SEMA5A: variants seen among roughly 807,000 people sequenced by gnomAD.
The protein encoded by SEMA5A is semaphorin-5A.
SEMA5A carries 55 observed loss-of-function variants against 135.5 expected under a neutral mutation model. That is an observed-to-expected ratio of 0.41 (90% CI 0.33 to 0.51). The LOEUF is 0.51. SEMA5A is among the 20% of genes least tolerant of loss of function. The pLI is 0.37. For missense variants in SEMA5A, 1,290 were observed against 1,419.9 expected (o/e 0.91, Z 1.47); for synonymous variants, 580 against 546.5 (o/e 1.06, Z -0.85).
At chr5:9,411,186 T>C (rs1757094760) in intron 2 of SEMA5A, among the ~76,000 whole-genome samples, 1 of 152,216 alleles carries the variant, frequency 6.6e-6, no homozygotes, top group Admixed American at 6.5e-5. Context: ...GTGACACGTC[T>C]TTAGCATGTT....
At position 9,473,067 on chromosome 5, in the gene SEMA5A, TTTTG is replaced by T. The variant is rs146553838; in HGVS notation, c.-174-35219_-174-35216del. Among the ~76,000 whole-genome samples the T allele has an allele frequency of 8.0e-3, 1,199 of 149,128 alleles. 25 individuals carry two copies. The highest frequency in any genetic ancestry group is 0.028 in the African/African-American group (1,131 of 41,072). ...TAAGTTGTTCATTCTTTTTTCTGTA[TTTTG>T]TTTATTTACATATGTACCCTAAAAC... On this transcript the variant is annotated intron_variant, in intron 1 of 22. Coordinates refer to ENST00000382496, the MANE Select transcript of SEMA5A (RefSeq NM_003966.3).
At chr5:9,259,021 C>T (rs1489413989) in intron 5 of SEMA5A, among the ~76,000 whole-genome samples, 1 of 152,022 alleles carries the variant, frequency 6.6e-6, no homozygotes, top group Non-Finnish European at 1.5e-5. Context: ...GGGGTTTCAC[C>T]ATGTTGGCGA....
At chr5:9,046,778 C>A (rs757222506) in intron 21 of SEMA5A, among the ~76,000 whole-genome samples, 1 of 152,202 alleles carries the variant, frequency 6.6e-6, no homozygotes, top group African/African-American at 2.4e-5. Flanking sequence ...TGGATCTGCC[C>A]CTTCGGGTGC....
At chr5:9,363,244 C>T (rs972173929) in intron 3 of SEMA5A, 8 of 152,306 alleles carry the variant, frequency 5.3e-5, no homozygotes, top group South Asian at 2.1e-4. Flanking sequence ...CACTGCAAAG[C>T]GCTGATATAA....
rs1426307043 is a variant in SEMA5A at position 9,041,210 on chromosome 5, T to G, written c.*1687A>C. 6 of 151,232 alleles carry G rather than the reference T, an allele frequency of 4.0e-5. No homozygotes were observed. The highest frequency in any genetic ancestry group is 6.6e-5 in the Admixed American group (1 of 15,264). 9.4% of individuals were successfully genotyped at this position (151,232 alleles called of 1,614,324 possible). ...ATATTCATTATTAAACATAGAATTC[T>G]TCTAACACTTTCTGAAATTGTTTCT... is the stretch of plus-strand genomic sequence containing the variant. On this transcript the variant is annotated 3_prime_UTR_variant, in exon 23 of 23. Transcript: ENST00000382496.
Position 9,047,196 on chromosome 5 carries a change from T to C in SEMA5A, c.2894-2612A>G, listed in dbSNP as rs569570002. 1.2e-4 allele frequency among the ~76,000 whole-genome samples: 18 copies of C among 152,352 alleles called. No individual in the cohort carries two copies. In the South Asian group the frequency reaches 1.5e-3, roughly 12 times the overall value. ...CACTCTCAGGGTCAATGCCTTCTTC[T>C]GAAGGAAATACTTCCTGCTGCACCG... On this transcript the variant is annotated intron_variant, in intron 21 of 22. Coordinates refer to ENST00000382496, the MANE Select transcript of SEMA5A (RefSeq NM_003966.3).
intron 11 of SEMA5A, among the ~76,000 whole-genome samples, chr5:9,169,524 C>A (rs1336608576): frequency 6.6e-6 from 1 of 152,178 alleles, no homozygotes; most frequent in African/African-American, 2.4e-5. Context: ...CTTCTAGGAG[C>A]AGAACTGTGT....
chr5:9,209,597 T>C (rs1368798081), intron 8 of SEMA5A, among the ~76,000 whole-genome samples: 4 of 152,144 alleles, frequency 2.6e-5, no homozygotes, highest in African/African-American at 7.2e-5. Context: ...AGCTCCAACA[T>C]TATTCAGTTG....
rs1258734115 is a variant in SEMA5A, at chr5:9,384,705, TAGATAGATAGAC to T, written c.-77-4694_-77-4683del. 3.6e-3 allele frequency among the ~76,000 whole-genome samples: 491 copies of T among 138,284 alleles called. 39 individuals carry two copies. Among genetic ancestry groups the T allele is most frequent in the African/African-American group, 8.8e-3 (314 of 35,514 alleles). 90.7% of individuals were successfully genotyped at this position (138,284 alleles called of 152,430 possible). On this transcript the variant is annotated intron_variant, in intron 2 of 22. Coordinates refer to ENST00000382496, the MANE Select transcript of SEMA5A (RefSeq NM_003966.3). ...ATAGATAGATAGATAGATAGATAGA[TAGATAGATAGAC>T]AGACAGACAGACAGACAGACAGACA...
chr5:9,381,967 TGTGTGTGTGTGTGTGC>T (rs1252439730), intron 2 of SEMA5A, among the ~76,000 whole-genome samples: 2 of 129,882 alleles, frequency 1.5e-5, no homozygotes, highest in African/African-American at 6.3e-5. Context: ...TGTGTGTGTG[TGTGTGTGTGTGTGTGC>T]GCGCGCGCGC....
intron 3 of SEMA5A, among the ~76,000 whole-genome samples, chr5:9,339,436 C>T (rs961769233): frequency 6.6e-6 from 1 of 152,232 alleles, no homozygotes; most frequent in Non-Finnish European, 1.5e-5. Flanking sequence ...TCCATCAATG[C>T]CTCCATTCCT....
At chr5:9,186,190 T>C (rs543154486) in intron 11 of SEMA5A, among the ~76,000 whole-genome samples, 151 of 152,258 alleles carry the variant, frequency 9.9e-4, no homozygotes, top group Middle Eastern at 3.4e-3. Context: ...TGCCTGGCCC[T>C]GGGTGGATGG....
At chr5:9,430,057 G>A (rs1757803515) in intron 2 of SEMA5A, among the ~76,000 whole-genome samples, 1 of 152,186 alleles carries the variant, frequency 6.6e-6, no homozygotes, top group South Asian at 2.1e-4. Flanking sequence ...GAGCAGTGAA[G>A]GTGCTGAGAA....
rs539678999 is a variant in SEMA5A at position 9,443,763 on chromosome 5, C to T, written c.-174-5911G>A. Among the ~76,000 whole-genome samples, 3 of 152,370 alleles carry T rather than the reference C, an allele frequency of 2.0e-5. No homozygotes were observed. In the South Asian group the frequency reaches 6.2e-4, roughly 32 times the overall value. ...CAGCTTCAGGTACGAGGGAGGAGGGCCAGTTCCTGGCCATTCCCTTCCACT... is the reference window on the plus strand; with the variant it reads ...CAGCTTCAGGTACGAGGGAGGAGGGTCAGTTCCTGGCCATTCCCTTCCACT... On this transcript the variant is annotated intron_variant, in intron 1 of 22. Transcript: ENST00000382496.
rs1755816905 is a variant in SEMA5A, at chr5:9,384,753, T to C, written c.-77-4730A>G. Among the ~76,000 whole-genome samples the C allele has an allele frequency of 2.0e-5, 3 of 151,918 alleles. No homozygotes were observed. The South Asian group carries it at 6.2e-4, about 32-fold the overall frequency. On this transcript the variant is annotated intron_variant, in intron 2 of 22. Transcript: ENST00000382496. ...ACAGACAGACAGACAGATGCATACA[T>C]ACATCTGCATATGCATACATACATA...
In SEMA5A at chr5:9,381,981, TGCGC is replaced by T. The variant is rs112343169; in HGVS notation, c.-77-1962_-77-1959del. Among the ~76,000 whole-genome samples the T allele has an allele frequency of 5.1e-3, 506 of 99,902 alleles. 5 individuals are homozygous for T. Among genetic ancestry groups the T allele is most frequent in the African/African-American group, 0.019 (426 of 22,762 alleles). The allele number at this position is 99,902 out of a possible 152,430, so 65.5% of individuals were successfully genotyped here. On this transcript the variant is annotated intron_variant, in intron 2 of 22. Coordinates refer to ENST00000382496, the MANE Select transcript of SEMA5A (RefSeq NM_003966.3). ...GTGTGTGTGTGTGTGTGTGTGTGTG[TGCGC>T]GCGCGCGCACATCAAGTTTCAGACA... is the stretch of plus-strand genomic sequence containing the variant.
intron 3 of SEMA5A, among the ~76,000 whole-genome samples, chr5:9,348,979 T>G (rs1021445330): frequency 6.6e-6 from 1 of 152,222 alleles, no homozygotes; most frequent in Non-Finnish European, 1.5e-5. Context: ...TTCTGTCACA[T>G]TCTCACAATT....
intron 12 of SEMA5A, among the ~76,000 whole-genome samples, chr5:9,148,086 A>G (rs147992096): frequency 6.6e-6 from 1 of 152,308 alleles, no homozygotes; most frequent in African/African-American, 2.4e-5. Flanking sequence ...GATTAAGTGC[A>G]CACTCTTTCA....
chr5:9,335,295 A>C (rs1753338885), intron 4 of SEMA5A, among the ~76,000 whole-genome samples: 2 of 152,186 alleles, frequency 1.3e-5, no homozygotes, highest in African/African-American at 4.8e-5. Flanking sequence ...GGACTCTGGG[A>C]TGAAGACCTC....
Sources: allele counts gnomAD v4.1 joint callset (sites outside exome capture counted in the v4.1 genomes callset), GRCh38; gene constraint gnomAD v4.1.1; transcripts MANE v1.5; gene names NCBI Gene and HGNC (gene_info 2026-07-23, HGNC 2026-07-21).